The following KCNU1 variants were observed in gnomAD, a reference collection of about 807,000 sequenced individuals.
KCNU1 encodes potassium calcium-activated channel subfamily U member 1, also known as potassium channel subfamily U member 1.
KCNU1 carries 93 observed loss-of-function variants against 126.8 expected under a neutral mutation model. The observed-to-expected ratio is 0.73, with a 90% confidence interval of 0.62 to 0.87. The LOEUF is 0.87. Ranked by LOEUF, KCNU1 falls within the 40% of genes least tolerant of loss-of-function variation. The pLI is 0.00. For missense variants in KCNU1, 1,330 were observed against 1,367.1 expected (o/e 0.97, Z 0.43); for synonymous variants, 523 against 494.2 (o/e 1.06, Z -0.77).
chr8:36,803,989 A>G, intron 2 of KCNU1, 38 bp from the exon 3 acceptor site: 2 of 1,356,120 alleles, frequency 1.5e-6, no homozygotes, highest in Non-Finnish European at 2.1e-6. Flanking sequence ...ATGCAAATGA[A>G]GTGGATTTAG....
chr8:36,840,066 T>A (rs935416905), intron 14 of KCNU1, among the ~76,000 whole-genome samples: 1 of 152,192 alleles, frequency 6.6e-6, no homozygotes, highest in African/African-American at 2.4e-5. Context: ...AGTAGAAAAC[T>A]AAAATATTTT....
In KCNU1 at chr8:36,806,468, C is replaced by A; in HGVS notation, c.580+88C>A. 4 of 695,688 alleles carry A rather than the reference C, an allele frequency of 5.7e-6. No individual in the cohort carries two copies. The South Asian group carries it at 5.9e-5, about 10-fold the overall frequency. The allele number at this position is 695,688 out of a possible 1,614,324, so 43.1% of individuals were successfully genotyped here. A position where few individuals can be genotyped will look rare whatever the true frequency, so the allele number is the denominator to read the frequency against. ...TGTAAGTATCTATTTTTCATTTGTTCTTAATGCCTGACTGTCATTTTAAAA... is the reference window on the plus strand; with the variant it reads ...TGTAAGTATCTATTTTTCATTTGTTATTAATGCCTGACTGTCATTTTAAAA... On this transcript the variant is annotated intron_variant, in intron 5 of 26. Transcript: ENST00000399881.
intron 22 of KCNU1, among the ~76,000 whole-genome samples, chr8:36,915,527 T>C (rs1204014257): frequency 6.6e-6 from 1 of 152,242 alleles, no homozygotes; most frequent in Admixed American, 6.5e-5. Context: ...TTACACATAT[T>C]CATCGGATAA....
At chr8:36,834,758 A>G in intron 11 of KCNU1, 28 bp from the exon 12 acceptor site, 2 of 1,483,050 alleles carry the variant, frequency 1.3e-6, no homozygotes, top group Non-Finnish European at 1.9e-6. Context: ...AATTAACAAG[A>G]TGGCTCCTGT....
chr8:36,871,747 G>T (rs898505046), intron 19 of KCNU1, among the ~76,000 whole-genome samples: 1 of 152,288 alleles, frequency 6.6e-6, no homozygotes. Flanking sequence ...GTGCTAAGAT[G>T]AGGAAGTGGC....
chr8:36,907,228 A>C (rs561848562), intron 20 of KCNU1, among the ~76,000 whole-genome samples: 5 of 152,254 alleles, frequency 3.3e-5, no homozygotes, highest in Admixed American at 3.3e-4. Context: ...CAAAAGGGTC[A>C]AGTAGAAATG....
At chr8:36,801,839 G>A (rs1253406727) in intron 2 of KCNU1, among the ~76,000 whole-genome samples, 1 of 151,954 alleles carries the variant, frequency 6.6e-6, no homozygotes, top group Non-Finnish European at 1.5e-5. Context: ...GCCAAGTGCC[G>A]TGGCTCACAC....
intron 19 of KCNU1, chr8:36,888,815 C>A (rs769177145): frequency 9.7e-6 from 5 of 515,118 alleles, no homozygotes. Flanking sequence ...AAGAGTGAAA[C>A]TTTTTATAAC....
chr8:36,802,568 G>C (rs937897734), intron 2 of KCNU1, among the ~76,000 whole-genome samples: 6 of 152,288 alleles, frequency 3.9e-5, no homozygotes, highest in African/African-American at 1.4e-4. Context: ...GCTGAATGGG[G>C]AATCTGGGAG....
At chr8:36,823,193 A>T (rs1252589021) in intron 10 of KCNU1, among the ~76,000 whole-genome samples, 1 of 152,192 alleles carries the variant, frequency 6.6e-6, no homozygotes, top group African/African-American at 2.4e-5. Flanking sequence ...TGGTTTTGCC[A>T]TTAAAAGTAA....
intron 24 of KCNU1, among the ~76,000 whole-genome samples, chr8:36,927,828 C>A (rs1043201282): frequency 5.3e-5 from 8 of 151,570 alleles, no homozygotes; most frequent in Non-Finnish European, 1.2e-4. Flanking sequence ...AAACATTGAC[C>A]AAATTTGAAA....
At chr8:36,785,903 T>C (rs1374012745) in intron 1 of KCNU1, among the ~76,000 whole-genome samples, 3 of 152,218 alleles carry the variant, frequency 2.0e-5, no homozygotes, top group Non-Finnish European at 4.4e-5. Context: ...TACACTTCGA[T>C]CCAGGTATAC....
chr8:36,805,753 T>C (rs1803475528), intron 4 of KCNU1, among the ~76,000 whole-genome samples: 1 of 152,206 alleles, frequency 6.6e-6, no homozygotes, highest in Non-Finnish European at 1.5e-5. Context: ...AGATCTAGAT[T>C]TCAATCTCTT....
chr8:36,892,515 G>T (rs891162800), intron 19 of KCNU1, among the ~76,000 whole-genome samples: 53 of 125,068 alleles, frequency 4.2e-4, no homozygotes, highest in African/African-American at 1.5e-3. Flanking sequence ...ACCAGGTATG[G>T]TCCATACTTA....
In KCNU1 at chr8:36,814,365, A is replaced by G. The variant is rs367666492; in HGVS notation, c.891A>G (p.Thr297=). The change falls in exon 8 of 27, where the codon ACA becomes ACG. Residue 297 remains threonine, a synonymous_variant. Transcript: ENST00000399881. ...SLGRTFIMFF[T]LGSLILFANY... is the part of the protein sequence containing the mutation. ...GACGGACCTTCATCATGTTCTTCACACTGGGGAGTTTGGTGAAGAATATTT... is the reference window on the plus strand; with the variant it reads ...GACGGACCTTCATCATGTTCTTCACGCTGGGGAGTTTGGTGAAGAATATTT... 6 of 1,608,836 alleles carry G rather than the reference A, an allele frequency of 3.7e-6. No homozygotes were observed. The African/African-American group carries it at 6.7e-5, about 18-fold the overall frequency.
chr8:36,873,473 G>A (rs889381085), intron 19 of KCNU1, among the ~76,000 whole-genome samples: 1 of 152,104 alleles, frequency 6.6e-6, no homozygotes, highest in Non-Finnish European at 1.5e-5. Flanking sequence ...TATATTATTG[G>A]CTTTTATACA....
chr8:36,878,254 C>T (rs937844642), intron 19 of KCNU1, among the ~76,000 whole-genome samples: 1 of 152,100 alleles, frequency 6.6e-6, no homozygotes, highest in Non-Finnish European at 1.5e-5. Flanking sequence ...TAAGGAATTT[C>T]AGATCAGAAA....
In KCNU1 at chr8:36,931,092, C is replaced by A. The variant is rs550052033; in HGVS notation, c.2878C>A (p.Arg960=). The change falls in exon 25 of 27, where the codon CGG becomes AGG. Residue 960 remains arginine (R), a synonymous_variant. Transcript: ENST00000399881. The part of the protein sequence containing the change: ...SCTSLLSGRN[R]CKLGLLSLHE... ...CACGTCGCTCTTGTCTGGAAGAAACCGGTGTAAGCTGGGGCTTCTGTCCTT... is the reference window on the plus strand; with the variant it reads ...CACGTCGCTCTTGTCTGGAAGAAACAGGTGTAAGCTGGGGCTTCTGTCCTT... The A allele has an allele frequency of 6.2e-7, 1 of 1,611,386 alleles. No homozygotes were observed. The highest frequency in any genetic ancestry group is 1.3e-5 in the African/African-American group (1 of 74,784).
At chr8:36,921,455 G>T (rs545542765) in intron 23 of KCNU1, among the ~76,000 whole-genome samples, 2 of 152,046 alleles carry the variant, frequency 1.3e-5, no homozygotes, top group African/African-American at 4.8e-5. Context: ...GAGGCGGGTG[G>T]ATCATTTGAA....
Sources: allele counts gnomAD v4.1 joint callset (sites outside exome capture counted in the v4.1 genomes callset), GRCh38; gene constraint gnomAD v4.1.1; transcripts MANE v1.5; gene names NCBI Gene and HGNC (gene_info 2026-07-23, HGNC 2026-07-21).